SGCG: variants seen among roughly 807,000 people sequenced by gnomAD.
SGCG encodes sarcoglycan gamma.
In SGCG, 26 loss-of-function variants were observed where a neutral mutation model predicts 29.3. That is an observed-to-expected ratio of 0.89 (90% CI 0.65 to 1.23). The LOEUF (loss-of-function observed/expected upper bound fraction) is 1.23, where lower values mean the gene tolerates loss of function less well. Among genes scored for constraint, SGCG ranks in the 50% most tolerant of loss-of-function variants. The pLI is 0.00. For synonymous variants in SGCG, 145 were observed against 129.7 expected, an observed-to-expected ratio of 1.12 and a Z score of -0.80; for missense variants, 353 against 356.0, an observed-to-expected ratio of 0.99 and a Z score of 0.07.
chr13:23,197,976 A>G (rs921470217), intron 1 of SGCG, among the ~76,000 whole-genome samples: 2 of 152,228 alleles, frequency 1.3e-5, no homozygotes, highest in Admixed American at 6.5e-5. Context: ...AACACTGAAA[A>G]AAGCTTTGTA....
intron 5 of SGCG, among the ~76,000 whole-genome samples, chr13:23,289,752 TAG>T (rs909608550): frequency 6.6e-6 from 1 of 152,190 alleles, no homozygotes; most frequent in African/African-American, 2.4e-5. Flanking sequence ...TAAAGGGAGA[TAG>T]AGTGGGACCA....
At chr13:23,274,353 C>A (rs1880979511) in intron 4 of SGCG, among the ~76,000 whole-genome samples, 1 of 150,130 alleles carries the variant, frequency 6.7e-6, no homozygotes, top group Non-Finnish European at 1.5e-5. Context: ...CACAGTTCTG[C>A]CTTTAAGTAA....
intron 6 of SGCG, among the ~76,000 whole-genome samples, chr13:23,299,442 ATATATATATATATATT>A (rs1272454316): frequency 1.9e-4 from 1 of 5,294 alleles, no homozygotes; most frequent in African/African-American, 6.1e-4. Flanking sequence ...ATATATATAT[ATATATATATATATATT>A]TTTTTTTTTT....
chr13:23,179,940 A>G (rs1484169801), upstream of SGCG, among the ~76,000 whole-genome samples: 2 of 152,154 alleles, frequency 1.3e-5, no homozygotes, highest in Non-Finnish European at 2.9e-5. Context: ...TAAATTGCAT[A>G]TCACCAGGAT....
chr13:23,306,670 T>C (rs1039743007), intron 6 of SGCG, among the ~76,000 whole-genome samples: 6 of 152,204 alleles, frequency 3.9e-5, no homozygotes, highest in African/African-American at 1.4e-4. Flanking sequence ...TCTTAAGTCT[T>C]CTTAACTTGA....
intron 2 of SGCG, among the ~76,000 whole-genome samples, chr13:23,228,151 A>G (rs985303944): frequency 2.0e-5 from 3 of 152,144 alleles, no homozygotes; most frequent in African/African-American, 4.8e-5. Flanking sequence ...TTGTACAACT[A>G]TATGAGCTTG....
chr13:23,258,847 G>A (rs575411584), intron 4 of SGCG, among the ~76,000 whole-genome samples: 25 of 152,060 alleles, frequency 1.6e-4, no homozygotes, highest in African/African-American at 4.6e-4. Context: ...GATGGATTAC[G>A]TTTAATGATT....
In SGCG at chr13:23,320,653, C is replaced by T. The variant is rs1405454039; in HGVS notation, c.595C>T (p.Arg199Trp). The change falls in exon 7 of 8, where the codon CGG becomes TGG. Residue 199 changes from arginine (R) to tryptophan (W), a missense_variant. Physicochemically the swap from Arg to Trp is moderately radical, Grantham distance 101. Coordinates refer to ENST00000218867, the MANE Select transcript of SGCG (RefSeq NM_000231.3). ...TCATCTCAGATTAGAATCCCCCACT[C>T]GGAGTCTAAGCATGGATGCCCCAAG... ...FQDLRLESPT[R>W]SLSMDAPRGV... The T allele has an allele frequency of 6.4e-6, 10 of 1,573,828 alleles. No homozygotes were observed. The highest frequency in any genetic ancestry group is 4.6e-5 in the East Asian group (2 of 43,538).
chr13:23,195,174 T>C (rs1877438466), intron 1 of SGCG, among the ~76,000 whole-genome samples: 1 of 152,230 alleles, frequency 6.6e-6, no homozygotes, highest in Non-Finnish European at 1.5e-5. Flanking sequence ...TGCCATTCTG[T>C]GTCTTGTTTT....
chr13:23,280,529 A>G (rs1881268904), intron 5 of SGCG, among the ~76,000 whole-genome samples: 1 of 152,228 alleles, frequency 6.6e-6, no homozygotes, highest in African/African-American at 2.4e-5. Context: ...TGTTACTAAA[A>G]TGAAGGACAC....
intron 1 of SGCG, among the ~76,000 whole-genome samples, chr13:23,203,234 C>T (rs1329860005): frequency 6.6e-6 from 1 of 152,202 alleles, no homozygotes; most frequent in Non-Finnish European, 1.5e-5. Context: ...GCTGGAATTA[C>T]AGGCGTGAGC....
At chr13:23,219,827 C>CTTTTTTTT (rs1184090222) in intron 2 of SGCG, among the ~76,000 whole-genome samples, 8 of 99,206 alleles carry the variant, frequency 8.1e-5, no homozygotes, top group South Asian at 4.0e-4. Flanking sequence ...ATTTCTTTTC[C>CTTTTTTTT]TTTTTTTTTT....
chr13:23,168,623 C>T, the SGCG span, among the ~76,000 whole-genome samples: 1 of 152,216 alleles, frequency 6.6e-6, no homozygotes, highest in Non-Finnish European at 1.5e-5. Flanking sequence ...CAATAATGGA[C>T]ATTTCCATGC....
chr13:23,234,072 G>A (rs1195068903), intron 2 of SGCG, among the ~76,000 whole-genome samples: 1 of 152,200 alleles, frequency 6.6e-6, no homozygotes, highest in Admixed American at 6.5e-5. Flanking sequence ...TTTCATGACT[G>A]TAAACTCCTT....
At chr13:23,276,183 TA>T (rs755015040) in intron 4 of SGCG, among the ~76,000 whole-genome samples, 76 of 148,072 alleles carry the variant, frequency 5.1e-4, no homozygotes, top group Admixed American at 2.3e-3. Context: ...CCAACTAGGT[TA>T]AAAAAAAAAC....
At chr13:23,214,082 C>G (rs1446072779) in intron 2 of SGCG, among the ~76,000 whole-genome samples, 1 of 152,146 alleles carries the variant, frequency 6.6e-6, no homozygotes, top group Non-Finnish European at 1.5e-5. Flanking sequence ...ATCTGAGTTC[C>G]TTTCTCAGGA....
intron 3 of SGCG, among the ~76,000 whole-genome samples, chr13:23,239,476 G>A (rs1172157115): frequency 6.6e-6 from 1 of 152,218 alleles, no homozygotes; most frequent in East Asian, 1.9e-4. Flanking sequence ...AAATATTAAA[G>A]GAAGCCTTTC....
chr13:23,263,183 C>A (rs1285353205), intron 4 of SGCG, among the ~76,000 whole-genome samples: 1 of 151,388 alleles, frequency 6.6e-6, no homozygotes, highest in Admixed American at 6.6e-5. Context: ...TACAAAAGAT[C>A]AATGAAACAA....
chr13:23,199,948 T>G (rs944537213), intron 1 of SGCG, among the ~76,000 whole-genome samples: 14 of 152,168 alleles, frequency 9.2e-5, no homozygotes, highest in South Asian at 2.1e-4. Flanking sequence ...TCCCCATTTT[T>G]GGGCAAGCCT....
Sources: gnomAD v4.1 joint callset for allele counts (sites outside exome capture counted in the v4.1 genomes callset) on GRCh38, gnomAD v4.1.1 for gene constraint, MANE v1.5 for transcripts, NCBI Gene and HGNC (gene_info 2026-07-23, HGNC 2026-07-21) for gene names.